The following COL4A1 variants were observed in gnomAD, a reference collection of about 807,000 sequenced individuals.
COL4A1 encodes the protein collagen alpha-1(IV) chain.
In COL4A1, 40 loss-of-function variants were observed where a neutral mutation model predicts 216.6. That is an observed-to-expected ratio of 0.18 (90% CI 0.14 to 0.24). COL4A1 has a LOEUF of 0.24. Ranked by LOEUF, COL4A1 falls within the 10% of genes least tolerant of loss-of-function variation. The pLI, the probability that COL4A1 is intolerant of heterozygous loss-of-function variation, is 1.00. For missense variants in COL4A1, 1,628 were observed against 2,196.8 expected (o/e 0.74, Z 5.18); for synonymous variants, 839 against 810.7 (o/e 1.03, Z -0.59).
intron 1 of COL4A1, among the ~76,000 whole-genome samples, chr13:110,290,128 G>A (rs1303486339): frequency 6.6e-6 from 1 of 152,214 alleles, no homozygotes; most frequent in Non-Finnish European, 1.5e-5. Context: ...CGGTAATTTT[G>A]ACATGCTGCT....
At chr13:110,162,181 A>G (rs1258160196) in intron 48 of COL4A1, 49 bp downstream of exon 48, 44 of 1,544,596 alleles carry the variant, frequency 2.8e-5, no homozygotes, top group Non-Finnish European at 3.9e-5. Context: ...CACCGAAGGC[A>G]CTCAACACAC....
chr13:110,187,261 G>T lies in COL4A1; in HGVS notation c.1605C>A (p.Phe535Leu), dbSNP rs139448202. ...CTTTGTCACCTTTGAGCCGCAAGTC[G>T]AAATAAAACTCACCAGGCTCCCCCT... ...GAKGEPGEFY[F>L]DLRLKGDKGD... is the part of the protein sequence containing the mutation. Residue 535 changes from phenylalanine (F) to leucine (L), a missense_variant, in exon 25 of 52, where the codon TTC (phenylalanine) becomes TTA (leucine). This residue lies in a region of COL4A1 where 701 missense variants were observed against 892.5 expected (regional missense o/e 0.79). Transcript: ENST00000375820. The T allele has an allele frequency of 9.9e-6, 16 of 1,613,600 alleles. No homozygotes were observed. The Admixed American group carries it at 2.5e-4, about 25-fold the overall frequency.
intron 31 of COL4A1, 70 bp from the exon 32 acceptor site, chr13:110,178,301 G>A (rs1367196968): frequency 1.3e-6 from 2 of 1,592,426 alleles, no homozygotes; most frequent in Admixed American, 1.7e-5. Flanking sequence ...ACAGTGCTCT[G>A]TTTAACTATG....
chr13:110,195,216 T>C, intron 21 of COL4A1, 98 bp from the exon 22 acceptor site: 1 of 966,928 alleles, frequency 1.0e-6, no homozygotes, highest in East Asian at 2.5e-5. Context: ...TTAGGCTATT[T>C]GACAAGTGTT....
chr13:110,181,687 C>A (rs556918585), intron 28 of COL4A1, among the ~76,000 whole-genome samples: 2 of 152,136 alleles, frequency 1.3e-5, no homozygotes, highest in Non-Finnish European at 2.9e-5. Flanking sequence ...AACAAATATA[C>A]CCCTTGGCGC....
At chr13:110,161,924 G>T (rs1305328412) in intron 48 of COL4A1, 2 of 440,730 alleles carry the variant, frequency 4.5e-6, no homozygotes, top group East Asian at 8.9e-5. Flanking sequence ...TGCACTCCAG[G>T]AATCTTGATC....
chr13:110,271,703 G>A (rs1883250579), intron 1 of COL4A1, among the ~76,000 whole-genome samples: 1 of 152,200 alleles, frequency 6.6e-6, no homozygotes, highest in South Asian at 2.1e-4. Flanking sequence ...CTGGGCTGGA[G>A]CCGAGATCAG....
chr13:110,232,240 G>A (rs1048280519), intron 2 of COL4A1, among the ~76,000 whole-genome samples: 4 of 152,210 alleles, frequency 2.6e-5, no homozygotes, highest in Non-Finnish European at 4.4e-5. Context: ...GCCAAAGGAA[G>A]AAAAATCTGA....
intron 24 of COL4A1, among the ~76,000 whole-genome samples, chr13:110,189,553 A>T (rs1238705554): frequency 6.6e-6 from 1 of 152,180 alleles, no homozygotes; most frequent in Non-Finnish European, 1.5e-5. Context: ...GAAAGGTGGA[A>T]CACACCCAGT....
At chr13:110,304,632 C>T (rs1185539223) in intron 1 of COL4A1, among the ~76,000 whole-genome samples, 1 of 152,078 alleles carries the variant, frequency 6.6e-6, no homozygotes, top group African/African-American at 2.4e-5. Context: ...AAGGGAGGAG[C>T]GGGGAGTAGA....
intron 49 of COL4A1, among the ~76,000 whole-genome samples, chr13:110,155,786 C>T (rs1876758855): frequency 6.6e-6 from 1 of 152,164 alleles, no homozygotes; most frequent in Non-Finnish European, 1.5e-5. Flanking sequence ...GTGGCACATG[C>T]CTGTAATCCC....
intron 2 of COL4A1, among the ~76,000 whole-genome samples, chr13:110,230,334 G>T (rs1360854844): frequency 6.6e-6 from 1 of 152,000 alleles, no homozygotes; most frequent in Non-Finnish European, 1.5e-5. Flanking sequence ...GCATGCACGT[G>T]ATGTGTGCAT....
chr13:110,197,417 C>A (rs1338910742), intron 21 of COL4A1, among the ~76,000 whole-genome samples: 2 of 152,194 alleles, frequency 1.3e-5, no homozygotes, highest in Non-Finnish European at 2.9e-5. Context: ...CTGAATGAAT[C>A]TGGAACCCAA....
chr13:110,291,888 C>T (rs1465784849), intron 1 of COL4A1, among the ~76,000 whole-genome samples: 1 of 152,218 alleles, frequency 6.6e-6, no homozygotes, highest in Non-Finnish European at 1.5e-5. Flanking sequence ...GACACACTTA[C>T]TGAGCATAGA....
chr13:110,226,779 CA>C (rs1374036516), intron 2 of COL4A1, among the ~76,000 whole-genome samples: 1 of 152,106 alleles, frequency 6.6e-6, no homozygotes, highest in African/African-American at 2.4e-5. Flanking sequence ...TACAGTCACC[CA>C]AAGAAAGAAA....
rs1298583418 is a variant in COL4A1 at position 110,150,305 on chromosome 13, G to A, written c.*58C>T. On this transcript the variant is annotated 3_prime_UTR_variant, in exon 52 of 52. Coordinates refer to ENST00000375820, the MANE Select transcript of COL4A1 (RefSeq NM_001845.6). ...GGATATATTTCTAGGGTTCGTTGCT[G>A]TTAACAAAAAGAAGAAGAAGTAGCA... 6.6e-6 allele frequency: 10 copies of A among 1,512,230 alleles called. No individual in the cohort carries two copies. Among genetic ancestry groups the A allele is most frequent in the Admixed American group, 1.8e-5 (1 of 55,750 alleles). The allele number at this position is 1,512,230 out of a possible 1,614,324, so 93.7% of individuals were successfully genotyped here.
intron 1 of COL4A1, among the ~76,000 whole-genome samples, chr13:110,302,179 G>C (rs1884520814): frequency 1.3e-5 from 2 of 152,196 alleles, no homozygotes. Context: ...GGATAAAGAA[G>C]AGGAAAGGCT....
intron 2 of COL4A1, among the ~76,000 whole-genome samples, chr13:110,223,970 C>T (rs915296699): frequency 5.3e-5 from 8 of 152,182 alleles, no homozygotes; most frequent in Admixed American, 3.9e-4. Context: ...CCACTGCCAA[C>T]ACTTTGGTTA....
At chr13:110,219,832 G>A (rs61963271) in intron 2 of COL4A1, among the ~76,000 whole-genome samples, 102,705 of 119,414 alleles carry the variant, frequency 0.86, 43,324 homozygotes, top group South Asian at 0.92. Context: ...ATATATGTAT[G>A]TATGTATATA....
Sources: allele counts gnomAD v4.1 joint callset (sites outside exome capture counted in the v4.1 genomes callset), GRCh38; gene constraint gnomAD v4.1.1; regional missense constraint gnomAD v4.1.1; transcripts MANE v1.5; gene names NCBI Gene and HGNC (gene_info 2026-07-23, HGNC 2026-07-21).